ADAMTS3: variants seen among roughly 807,000 people sequenced by gnomAD.
The protein encoded by ADAMTS3 is ADAM metallopeptidase with thrombospondin type 1 motif 3.
In ADAMTS3, 73 loss-of-function variants were observed where a neutral mutation model predicts 129.0. The observed-to-expected ratio is 0.57, with a 90% confidence interval of 0.47 to 0.69. The LOEUF (loss-of-function observed/expected upper bound fraction) is 0.69, where lower values mean the gene tolerates loss of function less well. ADAMTS3 is among the 30% of genes least tolerant of loss of function. The pLI, the probability that ADAMTS3 is intolerant of heterozygous loss-of-function variation, is 0.00. For missense variants in ADAMTS3, 1,457 were observed against 1,514.5 expected (o/e 0.96, Z 0.63); for synonymous variants, 477 against 510.8 (o/e 0.93, Z 0.89).
chr4:72,441,396 T>C (rs1273509276), intron 3 of ADAMTS3, among the ~76,000 whole-genome samples: 1 of 151,822 alleles, frequency 6.6e-6, no homozygotes, highest in Non-Finnish European at 1.5e-5. Flanking sequence ...TGATGATTTA[T>C]AGGCTTTCTT....
chr4:72,398,892 C>G (rs966006624), intron 4 of ADAMTS3, among the ~76,000 whole-genome samples: 1 of 152,208 alleles, frequency 6.6e-6, no homozygotes, highest in African/African-American at 2.4e-5. Context: ...GACTTCATTA[C>G]ACAGTCTGGG....
At chr4:72,384,934 C>T (rs565856015) in intron 4 of ADAMTS3, among the ~76,000 whole-genome samples, 31 of 152,172 alleles carry the variant, frequency 2.0e-4, no homozygotes, top group African/African-American at 7.0e-4. Flanking sequence ...TTTGGGAGGC[C>T]AAGGCGGGCG....
chr4:72,568,645 G>A, intron 1 of ADAMTS3, 49 bp downstream of exon 1: 1 of 1,451,408 alleles, frequency 6.9e-7, no homozygotes, highest in Non-Finnish European at 9.4e-7. Context: ...AACTTTTCGG[G>A]AAAAGGTTGG....
In ADAMTS3 at chr4:72,320,798, G is replaced by C; in HGVS notation, c.1018C>G (p.Gln340Glu). Residue 340 changes from glutamine (Q) to glutamate (E), a missense_variant, in exon 7 of 22, where the codon CAA (glutamine) becomes GAA (glutamate). Gln to Glu is a conservative substitution (Grantham distance 29). Coordinates refer to ENST00000286657, the MANE Select transcript of ADAMTS3 (RefSeq NM_014243.3). ...ENVCRWASQQ[Q>E]RSDLNHSEHH... ...TCAGAGTGGTTGAGATCAGATCTTT[G>C]CTGTTGGGACGCCCAGCGACACACA... 6.2e-7 allele frequency: 1 copy of C among 1,613,952 alleles called. No homozygotes were observed. Among genetic ancestry groups the C allele is most frequent in the Middle Eastern group, 1.7e-4 (1 of 6,058 alleles).
intron 6 of ADAMTS3, 143 bp from the exon 7 acceptor site, chr4:72,321,013 G>T: frequency 1.2e-6 from 1 of 805,536 alleles, no homozygotes; most frequent in Non-Finnish European, 1.9e-6. Flanking sequence ...TATTTGCTTT[G>T]ATTTGTGACT....
At chr4:72,329,649 C>A (rs1259362883) in intron 5 of ADAMTS3, among the ~76,000 whole-genome samples, 1 of 151,914 alleles carries the variant, frequency 6.6e-6, no homozygotes, top group Non-Finnish European at 1.5e-5. Context: ...CCCTGAGTCT[C>A]TAGACAGTCA....
intron 4 of ADAMTS3, among the ~76,000 whole-genome samples, chr4:72,360,949 C>T (rs1720712611): frequency 6.6e-6 from 1 of 151,988 alleles, no homozygotes; most frequent in African/African-American, 2.4e-5. Flanking sequence ...TTTGTATATG[C>T]TACAAGTAAC....
At chr4:72,410,824 C>A (rs1383994941) in intron 4 of ADAMTS3, among the ~76,000 whole-genome samples, 1 of 151,954 alleles carries the variant, frequency 6.6e-6, no homozygotes, top group Non-Finnish European at 1.5e-5. Flanking sequence ...CATTTCCATG[C>A]CCCTAAATCT....
At chr4:72,539,219 G>C (rs1560558341) in intron 3 of ADAMTS3, among the ~76,000 whole-genome samples, 1 of 151,816 alleles carries the variant, frequency 6.6e-6, no homozygotes, top group Admixed American at 6.6e-5. Context: ...AGAGTAAAAA[G>C]GCAACACACA....
At chr4:72,468,614 T>C (rs1383931) in intron 3 of ADAMTS3, among the ~76,000 whole-genome samples, 1,686 of 152,134 alleles carry the variant, frequency 0.011, 26 homozygotes, top group African/African-American at 0.038. Context: ...ATTAACCAAA[T>C]ACAAAAAGCT....
rs1721857015 is a variant in ADAMTS3, at chr4:72,559,803, A to G, written c.97+7571T>C. ...TATGGATTCAATGCTATTCCCATTA[A>G]ACTACCATTGACATTATTCACAGAA... On this transcript the variant is annotated intron_variant, in intron 2 of 21. Transcript: ENST00000286657. 2.6e-5 allele frequency among the ~76,000 whole-genome samples: 4 copies of G among 151,934 alleles called. No individual in the cohort carries two copies. The South Asian group carries it at 8.3e-4, about 31-fold the overall frequency.
At chr4:72,405,971 T>A (rs1362595231) in intron 4 of ADAMTS3, among the ~76,000 whole-genome samples, 5 of 152,144 alleles carry the variant, frequency 3.3e-5, no homozygotes, top group Admixed American at 3.3e-4. Context: ...GAACACTTTA[T>A]GGGCGGCTAG....
Position 72,451,305 on chromosome 4 carries a change from C to A in ADAMTS3, c.505-36334G>T, listed in dbSNP as rs75836007. Among the ~76,000 whole-genome samples, 852 of 151,686 alleles carry A rather than the reference C, an allele frequency of 5.6e-3. 7 individuals are homozygous for A. Among genetic ancestry groups the A allele is most frequent in the African/African-American group, 0.018 (747 of 41,444 alleles). On this transcript the variant is annotated intron_variant, in intron 3 of 21. Transcript: ENST00000286657. ...TAAAGTGCACCTGAGCTACTCAGAACAAATGTCAGGGGAAAAAAAGTTGAT... is the reference window on the plus strand; with the variant it reads ...TAAAGTGCACCTGAGCTACTCAGAAAAAATGTCAGGGGAAAAAAAGTTGAT...
intron 4 of ADAMTS3, among the ~76,000 whole-genome samples, chr4:72,396,156 A>C (rs1266711918): frequency 1.3e-5 from 2 of 152,198 alleles, no homozygotes; most frequent in Non-Finnish European, 2.9e-5. Context: ...AAGAAGGAGT[A>C]GTCCAGAAAC....
chr4:72,295,406 T>C (rs919499910), intron 19 of ADAMTS3, among the ~76,000 whole-genome samples: 8 of 152,022 alleles, frequency 5.3e-5, no homozygotes, highest in African/African-American at 1.9e-4. Flanking sequence ...ACATTTGACT[T>C]AGATGGAAGC....
intron 21 of ADAMTS3, 141 bp from the exon 22 acceptor site, chr4:72,283,845 C>A: frequency 3.2e-6 from 2 of 630,092 alleles, no homozygotes; most frequent in Non-Finnish European, 5.1e-6. Flanking sequence ...CGAGCTTTTG[C>A]ATTAAAAATA....
At chr4:72,350,160 A>G (rs895141642) in intron 4 of ADAMTS3, among the ~76,000 whole-genome samples, 1 of 152,082 alleles carries the variant, frequency 6.6e-6, no homozygotes, top group African/African-American at 2.4e-5. Context: ...TGCTAAAGAC[A>G]CTTATTTGCC....
intron 15 of ADAMTS3, among the ~76,000 whole-genome samples, chr4:72,308,212 A>G (rs565134446): frequency 6.6e-6 from 1 of 152,106 alleles, no homozygotes; most frequent in East Asian, 1.9e-4. Flanking sequence ...TAATAATGCA[A>G]TCAGTCAGAA....
chr4:72,384,578 A>C (rs1448663523), intron 4 of ADAMTS3, among the ~76,000 whole-genome samples: 2 of 152,176 alleles, frequency 1.3e-5, no homozygotes, highest in Non-Finnish European at 2.9e-5. Context: ...ATCTATTGAA[A>C]ATTACTTTCA....
Sources: gnomAD v4.1 joint callset for allele counts (sites outside exome capture counted in the v4.1 genomes callset) on GRCh38, gnomAD v4.1.1 for gene constraint, MANE v1.5 for transcripts, NCBI Gene and HGNC (gene_info 2026-07-23, HGNC 2026-07-21) for gene names.